The following CYTIP variants were observed in gnomAD, a reference collection of about 807,000 sequenced individuals.
CYTIP encodes cytohesin-interacting protein.
A neutral mutation model predicts 43.8 loss-of-function variants in CYTIP; 26 were observed. The observed-to-expected ratio is 0.59, with a 90% CI of 0.44 to 0.82. The LOEUF is 0.82. CYTIP is among the 40% of genes least tolerant of loss of function. The probability of loss-of-function intolerance (pLI) is 0.00; values close to 1 mark genes in which losing one functional copy is unlikely to be tolerated. For missense variants in CYTIP, 426 were observed against 443.1 expected, an observed-to-expected ratio of 0.96 and a Z score of 0.35; for synonymous variants, 162 against 162.9, an observed-to-expected ratio of 0.99 and a Z score of 0.04.
intron 6 of CYTIP, among the ~76,000 whole-genome samples, chr2:157,425,598 A>C (rs1007988174): frequency 3.3e-5 from 5 of 152,162 alleles, no homozygotes; most frequent in African/African-American, 7.2e-5. Context: ...TAAGGCAAAA[A>C]CATGCAAAGA....
At chr2:157,419,167 T>G (rs778324193) in intron 6 of CYTIP, among the ~76,000 whole-genome samples, 11 of 152,138 alleles carry the variant, frequency 7.2e-5, no homozygotes, top group Non-Finnish European at 1.2e-4. Context: ...CCCGGCCAAA[T>G]TTCTGTCTTT....
At position 157,418,489 on chromosome 2, in the gene CYTIP, T is replaced by C. The variant is rs1313926748; in HGVS notation, c.613+34A>G. On this transcript the variant is annotated intron_variant, in intron 7 of 7. Transcript: ENST00000264192. ...GGCAGAAATACTGAAAGAAGTAATGTTAGTGTGGTTTCTGAACAGGAAATT... is the reference window on the plus strand; with the variant it reads ...GGCAGAAATACTGAAAGAAGTAATGCTAGTGTGGTTTCTGAACAGGAAATT... The C allele has an allele frequency of 5.8e-6, 9 of 1,552,846 alleles. No homozygotes were observed. In the African/African-American group the frequency reaches 1.1e-4, roughly 19 times the overall value.
In CYTIP at chr2:157,415,276, C is replaced by T. The variant is rs578039517; in HGVS notation, c.*401G>A. 20 of 164,002 alleles carry T rather than the reference C, an allele frequency of 1.2e-4. No individual in the cohort carries two copies. The highest frequency in any genetic ancestry group is 2.0e-4 in the Non-Finnish European group (15 of 74,584). 10.2% of individuals were successfully genotyped at this position (164,002 alleles called of 1,614,324 possible). A position where few individuals can be genotyped will look rare whatever the true frequency, so the allele number is the denominator to read the frequency against. The stretch of plus-strand genomic sequence containing the variant: ...CATAAGCAAACCTAAGATTTTATAA[C>T]CCAGCAATTATCCTATAGAAAATAG... On this transcript the variant is annotated 3_prime_UTR_variant, in exon 8 of 8. Transcript: ENST00000264192.
chr2:157,443,854 C>T lies in CYTIP; in HGVS notation c.167G>A (p.Arg56Gln), dbSNP rs752496759. The T allele has an allele frequency of 2.6e-5, 42 of 1,613,858 alleles. No individual in the cohort carries two copies. The highest frequency in any genetic ancestry group is 3.3e-5 in the Non-Finnish European group (39 of 1,179,904). Residue 56 changes from arginine to glutamine, a missense_variant, in exon 1 of 8, where the codon CGA (arginine) becomes CAA (glutamine). By Grantham distance (43) the Arg-to-Gln change is conservative (BLOSUM62 1). Coordinates refer to ENST00000264192, the MANE Select transcript of CYTIP (RefSeq NM_004288.5). ...ACAAAATAGCAATCATACCTGCTTT[C>T]GTCCCCGAGGCAGAGTAGCCACCGT... ...ADTVATLPRG[R>Q]KQLALTRSSS...
At chr2:157,432,428 CA>C (rs1439289506) in intron 3 of CYTIP, among the ~76,000 whole-genome samples, 12 of 152,192 alleles carry the variant, frequency 7.9e-5, no homozygotes, top group African/African-American at 2.9e-4. Flanking sequence ...CTTAGAGACA[CA>C]AAGATCTCAT....
intron 5 of CYTIP, among the ~76,000 whole-genome samples, chr2:157,428,586 A>AT (rs957358092): frequency 2.0e-5 from 3 of 152,010 alleles, no homozygotes; most frequent in Admixed American, 1.3e-4. Flanking sequence ...ACTGTCTCCC[A>AT]TTTTCCCGGA....
intron 3 of CYTIP, 56 bp from the exon 4 acceptor site, chr2:157,431,018 C>T: frequency 7.1e-7 from 1 of 1,417,254 alleles, no homozygotes. Flanking sequence ...CATCTATTTG[C>T]CAAAATTTAA....
At position 157,418,381 on chromosome 2, in the gene CYTIP, T is replaced by C. The variant is rs183676401; in HGVS notation, c.613+142A>G. On this transcript the variant is annotated intron_variant, in intron 7 of 7. Transcript: ENST00000264192. ...CCAAATACAGCCATTCCAAAGCTCA[T>C]GCCAAAGAAACACAGACCCATTTCC... 1.0e-3 allele frequency: 746 copies of C among 715,918 alleles called. 5 individuals carry two copies. The African/African-American group carries it at 0.011, about 11-fold the overall frequency. The allele number at this position is 715,918 out of a possible 1,614,324, so 44.3% of individuals were successfully genotyped here. A position where few individuals can be genotyped will look rare whatever the true frequency, so the allele number is the denominator to read the frequency against.
intron 7 of CYTIP, among the ~76,000 whole-genome samples, chr2:157,417,584 C>T (rs1022424797): frequency 2.6e-5 from 4 of 151,920 alleles, no homozygotes; most frequent in Non-Finnish European, 5.9e-5. Flanking sequence ...AATATTTCTG[C>T]CTCTCTAACA....
Position 157,439,357 on chromosome 2 carries a change from G to A in CYTIP, c.174+4490C>T, listed in dbSNP as rs1019300371. ...CGGGCTGTCAGACTCAGGCGATGTG[G>A]AAAGGAATGTTCCCAGGGTTCGAAA... On this transcript the variant is annotated intron_variant, in intron 1 of 7. Transcript: ENST00000264192. 3 of 152,248 alleles carry A rather than the reference G, an allele frequency of 2.0e-5. No individual in the cohort carries two copies. The South Asian group carries it at 6.2e-4, about 31-fold the overall frequency. The allele number at this position is 152,248 out of a possible 1,614,324, so 9.4% of individuals were successfully genotyped here.
rs762490060 is a variant in CYTIP, at chr2:157,444,056, A to G, written c.-36T>C. ...GATCACTCCAGCTAGCACATGGTTG[A>G]GTGGCCTTGCAGGATGGGGGAAGCT... On this transcript the variant is annotated 5_prime_UTR_variant, in exon 1 of 8. Coordinates refer to ENST00000264192, the MANE Select transcript of CYTIP (RefSeq NM_004288.5). 1.2e-6 allele frequency: 2 copies of G among 1,604,744 alleles called. No homozygotes were observed. Among genetic ancestry groups the G allele is most frequent in the African/African-American group, 2.7e-5 (2 of 74,736 alleles).
chr2:157,439,023 A>C (rs1244402857), intron 1 of CYTIP: 4 of 301,008 alleles, frequency 1.3e-5, no homozygotes, highest in Non-Finnish European at 2.3e-5. Flanking sequence ...GCCTCTATAG[A>C]TATTTCCCCC....
chr2:157,416,719 T>C (rs905360251), intron 7 of CYTIP, among the ~76,000 whole-genome samples: 2 of 152,228 alleles, frequency 1.3e-5, no homozygotes, highest in African/African-American at 4.8e-5. Context: ...CAAATGTATC[T>C]TCCAACCTCA....
chr2:157,416,170 G>T, intron 7 of CYTIP, 27 bp from the exon 8 acceptor site: 6 of 1,552,104 alleles, frequency 3.9e-6, no homozygotes, highest in Non-Finnish European at 5.3e-6. Flanking sequence ...ACTGTGAAAT[G>T]GATCTGTTCA....
intron 1 of CYTIP, among the ~76,000 whole-genome samples, chr2:157,438,277 A>C (rs1489473454): frequency 6.6e-6 from 1 of 152,220 alleles, no homozygotes; most frequent in Non-Finnish European, 1.5e-5. Flanking sequence ...CCAGGAATAG[A>C]AAGTTAAACA....
chr2:157,443,351 T>C (rs893349849), intron 1 of CYTIP, among the ~76,000 whole-genome samples: 1 of 150,936 alleles, frequency 6.6e-6, no homozygotes, highest in African/African-American at 2.4e-5. Context: ...AAAAAAAAAA[T>C]CTTACTTTCC....
At chr2:157,443,100 C>A (rs1040300814) in intron 1 of CYTIP, among the ~76,000 whole-genome samples, 8 of 152,052 alleles carry the variant, frequency 5.3e-5, no homozygotes, top group Admixed American at 1.3e-4. Flanking sequence ...ACAAACTTTG[C>A]AATAAAAATA....
At chr2:157,427,445 G>T in intron 5 of CYTIP, 25 bp from the exon 6 acceptor site, 2 of 1,546,202 alleles carry the variant, frequency 1.3e-6, no homozygotes, top group Non-Finnish European at 1.8e-6. Context: ...AAAAAAAGAA[G>T]AGGAAGGTGG....
At chr2:157,417,360 A>G (rs1685453793) in intron 7 of CYTIP, among the ~76,000 whole-genome samples, 1 of 152,216 alleles carries the variant, frequency 6.6e-6, no homozygotes, top group Admixed American at 6.5e-5. Flanking sequence ...GAACTCCTTC[A>G]ATTGCTCAAA....
Sources: gnomAD v4.1 joint callset for allele counts (sites outside exome capture counted in the v4.1 genomes callset) on GRCh38, gnomAD v4.1.1 for gene constraint, MANE v1.5 for transcripts, NCBI Gene and HGNC (gene_info 2026-07-23, HGNC 2026-07-21) for gene names.